The following TIGAR variants were observed in gnomAD, a reference collection of about 807,000 sequenced individuals.
TIGAR encodes fructose-2,6-bisphosphatase TIGAR.
A neutral mutation model predicts 17.9 loss-of-function variants in TIGAR; 7 were observed. That is an observed-to-expected ratio of 0.39 (90% CI 0.22 to 0.73). The LOEUF (loss-of-function observed/expected upper bound fraction) is 0.73. Among genes scored for constraint, TIGAR ranks in the 30% least tolerant of loss-of-function variants. The pLI is 0.42. For missense variants in TIGAR, 258 were observed against 327.4 expected (o/e 0.79, Z 1.64); for synonymous variants, 94 against 108.6 (o/e 0.87, Z 0.84).
At chr12:4,329,940 G>A (rs1029750813) in intron 1 of TIGAR, among the ~76,000 whole-genome samples, 24 of 152,164 alleles carry the variant, frequency 1.6e-4, no homozygotes, top group African/African-American at 5.8e-4. Flanking sequence ...GGAGTATAGA[G>A]TGTGGGTATT....
At chr12:4,329,650 T>C (rs946806781) in intron 1 of TIGAR, among the ~76,000 whole-genome samples, 29 of 152,318 alleles carry the variant, frequency 1.9e-4, no homozygotes, top group African/African-American at 6.0e-4. Context: ...AATAATCTTT[T>C]AAATATGAGT....
intron 1 of TIGAR, among the ~76,000 whole-genome samples, chr12:4,327,410 G>GAAAAA (rs541221100): frequency 1.2e-5 from 1 of 85,092 alleles, no homozygotes; most frequent in Non-Finnish European, 2.5e-5. Context: ...CCCCATCTCA[G>GAAAAA]AAAAAAAAAA....
chr12:4,331,756 G>T (rs943878465), intron 2 of TIGAR, among the ~76,000 whole-genome samples: 1 of 152,080 alleles, frequency 6.6e-6, no homozygotes, highest in African/African-American at 2.4e-5. Flanking sequence ...ACATGTGGTC[G>T]TTACTTTATT....
intron 3 of TIGAR, among the ~76,000 whole-genome samples, chr12:4,343,375 A>G (rs1591663882): frequency 6.6e-6 from 1 of 152,208 alleles, no homozygotes; most frequent in Non-Finnish European, 1.5e-5. Flanking sequence ...ACTCTGCACC[A>G]AGCACACCTA....
rs183373988 is a variant in TIGAR at position 4,356,862 on chromosome 12, G to T, written c.*4171G>T. Among the ~76,000 whole-genome samples the T allele has an allele frequency of 6.6e-6, 1 of 152,122 alleles. No individual in the cohort carries two copies. Among genetic ancestry groups the T allele is most frequent in the Non-Finnish European group, 1.5e-5 (1 of 68,022 alleles). On this transcript the variant is annotated 3_prime_UTR_variant, in exon 6 of 6. Coordinates refer to ENST00000179259, the MANE Select transcript of TIGAR (RefSeq NM_020375.3). ...CTCGCAGCTTCAAGCAGAGCCTGTC[G>T]CTTAGGCTCCCTTGCACCTGGAGTC...
Position 4,321,213 on chromosome 12 carries a change from A to G in TIGAR, c.-59A>G, listed in dbSNP as rs1393748850. The stretch of plus-strand genomic sequence containing the variant: ...TTGGCGGAAGTGGTGTGGGGGAGGT[A>G]GCCCGCAGTGCAGGGGCAGCGCGGC... On this transcript the variant is annotated 5_prime_UTR_variant, in exon 1 of 6. Coordinates refer to ENST00000179259, the MANE Select transcript of TIGAR (RefSeq NM_020375.3). The surrounding 1 kb of genome is among the most constrained non-coding windows in gnomAD (Gnocchi z 5.2). 5.6e-6 allele frequency: 9 copies of G among 1,595,648 alleles called. No homozygotes were observed. The Admixed American group carries it at 1.0e-4, about 18-fold the overall frequency.
intron 3 of TIGAR, among the ~76,000 whole-genome samples, chr12:4,344,570 CAT>C (rs1864759798): frequency 6.6e-6 from 1 of 152,206 alleles, no homozygotes; most frequent in African/African-American, 2.4e-5. Context: ...GCTGGTTCAA[CAT>C]ATGCAGATCA....
At chr12:4,325,094 C>T (rs1414142770) in intron 1 of TIGAR, among the ~76,000 whole-genome samples, 1 of 152,024 alleles carries the variant, frequency 6.6e-6, no homozygotes, top group African/African-American at 2.4e-5. Flanking sequence ...AGGCATGTGC[C>T]ACCATGCCTG....
intron 3 of TIGAR, among the ~76,000 whole-genome samples, chr12:4,339,917 T>G (rs1425511950): frequency 2.0e-5 from 3 of 152,112 alleles, no homozygotes; most frequent in Non-Finnish European, 4.4e-5. Flanking sequence ...AGTAAAAGCC[T>G]CAACACAATA....
intron 2 of TIGAR, among the ~76,000 whole-genome samples, chr12:4,334,469 C>T (rs1390796891): frequency 6.6e-6 from 1 of 152,230 alleles, no homozygotes; most frequent in Non-Finnish European, 1.5e-5. Context: ...TGGGGGGACA[C>T]ATTTACTCTG....
At chr12:4,344,235 A>C (rs1359679054) in intron 3 of TIGAR, among the ~76,000 whole-genome samples, 1 of 152,236 alleles carries the variant, frequency 6.6e-6, no homozygotes, top group Non-Finnish European at 1.5e-5. Context: ...GCAATAATTA[A>C]TAGCTTACCA....
chr12:4,328,197 A>G (rs1365585171), intron 1 of TIGAR, among the ~76,000 whole-genome samples: 1 of 151,902 alleles, frequency 6.6e-6, no homozygotes, highest in African/African-American at 2.4e-5. Flanking sequence ...AGTGTAGGAA[A>G]TCTTTTTTTT....
chr12:4,343,211 T>G (rs187841006), intron 3 of TIGAR, among the ~76,000 whole-genome samples: 1 of 152,120 alleles, frequency 6.6e-6, no homozygotes, highest in Non-Finnish European at 1.5e-5. Flanking sequence ...GCACCCAATA[T>G]AGGAGCACCC....
intron 3 of TIGAR, among the ~76,000 whole-genome samples, chr12:4,338,666 A>T (rs758150524): frequency 1.3e-5 from 2 of 152,174 alleles, no homozygotes. Context: ...AAGTACCTAC[A>T]TCAAAAAAAG....
chr12:4,337,920 C>T (rs945102503), intron 3 of TIGAR, among the ~76,000 whole-genome samples: 9 of 152,178 alleles, frequency 5.9e-5, no homozygotes, highest in Non-Finnish European at 1.5e-5. Flanking sequence ...CACTTGAGGT[C>T]AGGAGTTCAA....
rs1864936749 is a variant in TIGAR, at chr12:4,358,454, C to CG, written c.*5763_*5764insG. ...AGAAGGAATGGCTGTATACTCTTCA[C>CG]ACTTATTCACCACTTGCTTACCTGT... On this transcript the variant is annotated 3_prime_UTR_variant, in exon 6 of 6. Transcript: ENST00000179259. 6.6e-6 allele frequency among the ~76,000 whole-genome samples: 1 copy of CG among 152,108 alleles called. No individual in the cohort carries two copies. The highest frequency in any genetic ancestry group is 2.1e-4 in the South Asian group (1 of 4,776).
rs750244936 is a variant in TIGAR, at chr12:4,359,576, G to C, written c.*6885G>C. On this transcript the variant is annotated 3_prime_UTR_variant, in exon 6 of 6. Coordinates refer to ENST00000179259, the MANE Select transcript of TIGAR (RefSeq NM_020375.3). ...TTACTGCATTGAATTCCAATGCATA[G>C]ATACACAACAGTTTGTTTATTCTTC... is the stretch of plus-strand genomic sequence containing the variant. Among the ~76,000 whole-genome samples, 1 of 152,124 alleles carries C rather than the reference G, an allele frequency of 6.6e-6. No homozygotes were observed. Among genetic ancestry groups the C allele is most frequent in the Non-Finnish European group, 1.5e-5 (1 of 68,014 alleles).
intron 1 of TIGAR, among the ~76,000 whole-genome samples, chr12:4,325,837 A>C (rs1050609534): frequency 5.9e-5 from 9 of 152,118 alleles, no homozygotes; most frequent in African/African-American, 2.2e-4. Context: ...GTGTAAAGGA[A>C]TTAGGACTAA....
intron 3 of TIGAR, among the ~76,000 whole-genome samples, chr12:4,348,607 A>G (rs1478230687): frequency 6.6e-6 from 1 of 152,266 alleles, no homozygotes; most frequent in African/African-American, 2.4e-5. Context: ...ATGAAAAAGA[A>G]GGAAAATAAT....
Sources: gnomAD v4.1 joint callset for allele counts (sites outside exome capture counted in the v4.1 genomes callset) on GRCh38, gnomAD v4.1.1 for gene constraint, Gnocchi (gnomAD v3.1) non-coding constraint, MANE v1.5 for transcripts, NCBI Gene and HGNC (gene_info 2026-07-23, HGNC 2026-07-21) for gene names.